KCNB2: variants seen among roughly 807,000 people sequenced by gnomAD.
KCNB2 encodes potassium voltage-gated channel subfamily B member 2.
KCNB2 carries 15 observed loss-of-function variants against 61.5 expected under a neutral mutation model. That is an observed-to-expected ratio of 0.24 (90% CI 0.16 to 0.38). The LOEUF is 0.38. KCNB2 is among the 10% of genes least tolerant of loss of function. The pLI, the probability that KCNB2 is intolerant of heterozygous loss-of-function variation, is 1.00. For missense variants in KCNB2, 828 were observed against 1,125.2 expected, an observed-to-expected ratio of 0.74 and a Z score of 3.78; for synonymous variants, 457 against 446.0, an observed-to-expected ratio of 1.02 and a Z score of -0.31.
chr8:72,617,734 T>A (rs1307666458), intron 2 of KCNB2, among the ~76,000 whole-genome samples: 1 of 152,204 alleles, frequency 6.6e-6, no homozygotes, highest in Admixed American at 6.5e-5. Context: ...CCAGGTTGCA[T>A]GCCTTCCCCT....
chr8:72,668,706 G>T (rs564201741), intron 2 of KCNB2, among the ~76,000 whole-genome samples: 16 of 152,148 alleles, frequency 1.1e-4, no homozygotes, highest in African/African-American at 3.9e-4. Flanking sequence ...TTCCATCACA[G>T]AATCCTGTTG....
At chr8:72,705,928 A>G (rs1464594099) in intron 2 of KCNB2, among the ~76,000 whole-genome samples, 1 of 152,206 alleles carries the variant, frequency 6.6e-6, no homozygotes, top group East Asian at 1.9e-4. Flanking sequence ...AGACTTATAG[A>G]GACAAGAAGA....
At chr8:72,872,320 T>G (rs1223618386) in intron 2 of KCNB2, among the ~76,000 whole-genome samples, 1 of 152,216 alleles carries the variant, frequency 6.6e-6, no homozygotes, top group Non-Finnish European at 1.5e-5. Flanking sequence ...CTCAGGCAAA[T>G]AGCTCTGTCA....
intron 2 of KCNB2, among the ~76,000 whole-genome samples, chr8:72,576,822 A>G (rs1806801842): frequency 6.6e-6 from 1 of 152,210 alleles, no homozygotes; most frequent in South Asian, 2.1e-4. Context: ...TGCAATTGCT[A>G]TGTCAGGCTT....
intron 2 of KCNB2, among the ~76,000 whole-genome samples, chr8:72,749,943 T>G (rs916592363): frequency 7.3e-5 from 11 of 150,522 alleles, no homozygotes; most frequent in African/African-American, 2.7e-4. Context: ...AGGTGTAGAA[T>G]ATTAGTAATA....
At chr8:72,806,571 C>T (rs1488925938) in intron 2 of KCNB2, among the ~76,000 whole-genome samples, 1 of 150,942 alleles carries the variant, frequency 6.6e-6, no homozygotes, top group Non-Finnish European at 1.5e-5. Flanking sequence ...ACTGAGATTG[C>T]ACCACTGCAC....
intron 2 of KCNB2, among the ~76,000 whole-genome samples, chr8:72,577,287 ATGTGTATGTGTG>A (rs1226466175): frequency 2.9e-5 from 4 of 137,172 alleles, no homozygotes; most frequent in African/African-American, 9.9e-5. Flanking sequence ...GTATGTGCCC[ATGTGTATGTGTG>A]TGTGTATGTG....
chr8:72,661,598 G>A (rs957208670), intron 2 of KCNB2: 4 of 152,082 alleles, frequency 2.6e-5, no homozygotes, highest in South Asian at 4.1e-4. Flanking sequence ...ATTCCTCATC[G>A]TTTTATGAAA....
rs574645433 is a variant in KCNB2 at position 72,602,312 on chromosome 8, C to A, written c.579+33999C>A. Reference sequence around the variant, plus strand: ...AGGTGGCCTCAAGTTTGTCTTCATTCCTTTTTTTCAGGGTTGCATGATAAA... The same window carrying A: ...AGGTGGCCTCAAGTTTGTCTTCATTACTTTTTTTCAGGGTTGCATGATAAA... On this transcript the variant is annotated intron_variant, in intron 2 of 2. Transcript: ENST00000523207. Among the ~76,000 whole-genome samples, 14 of 152,224 alleles carry A rather than the reference C, an allele frequency of 9.2e-5. No homozygotes were observed. The East Asian group carries it at 2.7e-3, about 29-fold the overall frequency.
intron 2 of KCNB2, among the ~76,000 whole-genome samples, chr8:72,612,842 A>T (rs1008578230): frequency 6.6e-6 from 1 of 152,344 alleles, no homozygotes; most frequent in South Asian, 2.1e-4. Flanking sequence ...AAAGTACAGC[A>T]TGAGAAAATC....
Position 72,537,385 on chromosome 8 carries a change from G to GGCCGCC in KCNB2, c.-585_-580dup, listed in dbSNP as rs987527341. 5.3e-5 allele frequency: 8 copies of GGCCGCC among 150,920 alleles called. No individual in the cohort carries two copies. Among genetic ancestry groups the GGCCGCC allele is most frequent in the Admixed American group, 6.6e-5 (1 of 15,054 alleles). The allele number at this position is 150,920 out of a possible 1,614,324, so 9.3% of individuals were successfully genotyped here. A position where few individuals can be genotyped will look rare whatever the true frequency, so the allele number is the denominator to read the frequency against. On this transcript the variant is annotated 5_prime_UTR_variant, in exon 1 of 3. Coordinates refer to ENST00000523207, the MANE Select transcript of KCNB2 (RefSeq NM_004770.3). ...TCCGCCCTCCGCCCTCCGCCCCCGC[G>GGCCGCC]GCCGCCGCCGCCGCTGCGCCTCGGG...
intron 2 of KCNB2, among the ~76,000 whole-genome samples, chr8:72,703,853 G>A (rs1298797845): frequency 6.6e-6 from 1 of 152,202 alleles, no homozygotes; most frequent in Non-Finnish European, 1.5e-5. Flanking sequence ...GGAAGCACTG[G>A]ACTGAAGGAT....
chr8:72,741,796 CT>C (rs2128994603), intron 2 of KCNB2, among the ~76,000 whole-genome samples: 1 of 152,272 alleles, frequency 6.6e-6, no homozygotes, highest in Non-Finnish European at 1.5e-5. Flanking sequence ...GCCATACCAC[CT>C]TACTCTTGCA....
chr8:72,859,275 G>A (rs1342562920), intron 2 of KCNB2, among the ~76,000 whole-genome samples: 1 of 152,102 alleles, frequency 6.6e-6, no homozygotes, highest in Non-Finnish European at 1.5e-5. Flanking sequence ...AACAAAGTGG[G>A]GAAGTGTAGT....
chr8:72,670,300 G>A (rs1453688062), intron 2 of KCNB2, among the ~76,000 whole-genome samples: 5 of 152,182 alleles, frequency 3.3e-5, no homozygotes, highest in African/African-American at 1.2e-4. Context: ...CTTTAGTGGT[G>A]CCTCCAAGGC....
chr8:72,864,428 C>T (rs1190677260), intron 2 of KCNB2, among the ~76,000 whole-genome samples: 1 of 152,186 alleles, frequency 6.6e-6, no homozygotes, highest in African/African-American at 2.4e-5. Context: ...TCTCTTTTAT[C>T]CTGGTTCTTT....
intron 2 of KCNB2, among the ~76,000 whole-genome samples, chr8:72,659,330 G>T (rs1364294595): frequency 6.6e-6 from 1 of 152,202 alleles, no homozygotes; most frequent in Non-Finnish European, 1.5e-5. Context: ...TGACTGAATT[G>T]CTGCAATGAC....
chr8:72,904,662 T>A (rs1445380377), intron 2 of KCNB2, among the ~76,000 whole-genome samples: 9 of 152,188 alleles, frequency 5.9e-5, no homozygotes, highest in Admixed American at 2.0e-4. Flanking sequence ...TTTATTTTTT[T>A]AATTTTTTTA....
intron 2 of KCNB2, among the ~76,000 whole-genome samples, chr8:72,865,498 A>G (rs562979799): frequency 6.6e-6 from 1 of 152,278 alleles, no homozygotes; most frequent in African/African-American, 2.4e-5. Context: ...TACATATAGC[A>G]CAGTACTTGA....
Sources: gnomAD v4.1 joint callset for allele counts (sites outside exome capture counted in the v4.1 genomes callset) on GRCh38, gnomAD v4.1.1 for gene constraint, MANE v1.5 for transcripts, NCBI Gene and HGNC (gene_info 2026-07-23, HGNC 2026-07-21) for gene names.